The following NADK2 variants were observed in gnomAD, a reference collection of about 807,000 sequenced individuals.
The protein encoded by NADK2 is NAD kinase domain-containing protein 1, mitochondrial.
NADK2 carries 35 observed loss-of-function variants against 62.1 expected under a neutral mutation model. That is an observed-to-expected ratio of 0.56 (90% CI 0.43 to 0.75). The LOEUF (loss-of-function observed/expected upper bound fraction) is 0.75. Ranked by LOEUF, NADK2 falls within the 30% of genes least tolerant of loss-of-function variation. The pLI is 0.00. For synonymous variants in NADK2, 205 were observed against 207.9 expected, an observed-to-expected ratio of 0.99 and a Z score of 0.12; for missense variants, 439 against 561.3, an observed-to-expected ratio of 0.78 and a Z score of 2.20.
chr5:36,217,896 G>C lies in NADK2; in HGVS notation c.645-12C>G, dbSNP rs764037641. The C allele has an allele frequency of 1.2e-6, 2 of 1,610,034 alleles. No individual in the cohort carries two copies. Among genetic ancestry groups the C allele is most frequent in the East Asian group, 4.5e-5 (2 of 44,816 alleles). ...GCCTCCACAACCACCTTAGAAAAAT[G>C]AAGAAAAGGCAAATTATGTTAAAAT... On this transcript the variant is annotated splice_polypyrimidine_tract_variant and intron_variant, in intron 5 of 11. Transcript: ENST00000381937.
chr5:36,201,375 A>G (rs916643534), intron 8 of NADK2, among the ~76,000 whole-genome samples: 3 of 152,028 alleles, frequency 2.0e-5, no homozygotes, highest in Non-Finnish European at 4.4e-5. Context: ...GCAGTTGGAG[A>G]GCAATTATGC....
At chr5:36,219,101 T>G (rs1233515671) in intron 5 of NADK2, among the ~76,000 whole-genome samples, 1 of 152,244 alleles carries the variant, frequency 6.6e-6, no homozygotes, top group Non-Finnish European at 1.5e-5. Context: ...CCAACTGGAC[T>G]AGGAGAAGGT....
At position 36,241,593 on chromosome 5, in the gene NADK2, G is replaced by C; in HGVS notation, c.206C>G (p.Ser69Cys). ...GSRADGGFRP[S>C]RVVVVAKTTR... is the part of the protein sequence containing the mutation. ...GGTTTTGGCCACCACCACCACCCGG[G>C]AGGGGCGGAAGCCGCCGTCCGCGCG... Residue 69 changes from serine (S) to cysteine (C), a missense_variant, in exon 1 of 12, where the codon TCC becomes TGC. Physicochemically the swap from Ser to Cys is moderately radical, Grantham distance 112 (BLOSUM62 -1). Coordinates refer to ENST00000381937, the MANE Select transcript of NADK2 (RefSeq NM_001085411.3). This position sits in a 1 kb window ranked among gnomAD's most constrained non-coding sequence, Gnocchi z 4.9. The C allele has an allele frequency of 1.3e-6, 2 of 1,522,598 alleles. No individual in the cohort carries two copies. The highest frequency in any genetic ancestry group is 1.7e-6 in the Non-Finnish European group (2 of 1,145,056). 94.3% of individuals were successfully genotyped at this position (1,522,598 alleles called of 1,614,324 possible). A position where few individuals can be genotyped will look rare whatever the true frequency, so the allele number is the denominator to read the frequency against.
intron 1 of NADK2, among the ~76,000 whole-genome samples, chr5:36,232,986 T>G (rs1747760171): frequency 6.6e-6 from 1 of 152,184 alleles, no homozygotes. Context: ...TGAGTCCAAT[T>G]TATCAGTTAA....
Position 36,200,299 on chromosome 5 carries a change from G to A in NADK2, c.1013-19C>T, listed in dbSNP as rs757908484. On this transcript the variant is annotated intron_variant, in intron 9 of 11. Transcript: ENST00000381937. ...CGTTTTGCTGTTGAAAAAGGAAAGG[G>A]GGAAAATGTATGTTATAAATATATA... The A allele has an allele frequency of 6.4e-7, 1 of 1,558,776 alleles. No homozygotes were observed. Among genetic ancestry groups the A allele is most frequent in the Non-Finnish European group, 8.7e-7 (1 of 1,147,338 alleles).
chr5:36,195,906 C>T (rs1341514175), intron 11 of NADK2, among the ~76,000 whole-genome samples: 1 of 152,204 alleles, frequency 6.6e-6, no homozygotes, highest in African/African-American at 2.4e-5. Flanking sequence ...ATAATATGCA[C>T]AGTGGTGCCT....
chr5:36,225,762 C>G, intron 3 of NADK2, 139 bp from the exon 4 acceptor site: 1 of 621,040 alleles, frequency 1.6e-6, no homozygotes. Flanking sequence ...TCCCTTTCTA[C>G]CTATTATACC....
rs10461962 is a variant in NADK2, at chr5:36,197,907, T to C, written c.1067-243A>G. Among the ~76,000 whole-genome samples the C allele has an allele frequency of 0.012, 1,840 of 151,838 alleles. 153 individuals are homozygous for C. The East Asian group carries it at 0.21, about 18-fold the overall frequency. Reference sequence around the variant, plus strand: ...TCACCCACAATACAGTAGGAATAGGTACAACTGGGGAAAAAGAAAAAAATA... The same window carrying C: ...TCACCCACAATACAGTAGGAATAGGCACAACTGGGGAAAAAGAAAAAAATA... On this transcript the variant is annotated intron_variant, in intron 10 of 11. Transcript: ENST00000381937.
intron 8 of NADK2, 146 bp from the exon 9 acceptor site, chr5:36,201,307 T>C (rs1166764286): frequency 3.0e-6 from 2 of 669,434 alleles, no homozygotes; most frequent in Non-Finnish European, 5.1e-6. Context: ...GTAAATAATG[T>C]GCTAGTATGG....
In NADK2 at chr5:36,194,544, C is replaced by G. The variant is rs1321203384; in HGVS notation, c.*600G>C. The G allele has an allele frequency of 6.6e-6, 1 of 152,162 alleles. No individual in the cohort carries two copies. The highest frequency in any genetic ancestry group is 2.4e-5 in the African/African-American group (1 of 41,446). The allele number at this position is 152,162 out of a possible 1,614,324, so 9.4% of individuals were successfully genotyped here. A position where few individuals can be genotyped will look rare whatever the true frequency, so the allele number is the denominator to read the frequency against. On this transcript the variant is annotated 3_prime_UTR_variant, in exon 12 of 12. Coordinates refer to ENST00000381937, the MANE Select transcript of NADK2 (RefSeq NM_001085411.3). ...ATGAAACTCAAATGAAAGCATTCAT[C>G]TATAATTTCAAAAATTATTATTTGA...
intron 6 of NADK2, 192 bp from the exon 7 acceptor site, chr5:36,212,114 AC>A (rs1746871631): frequency 2.2e-6 from 1 of 448,782 alleles, no homozygotes. Flanking sequence ...ACCTAAACTT[AC>A]ACCTGTAATG....
intron 6 of NADK2, chr5:36,212,185 T>G (rs1746874110): frequency 1.1e-5 from 3 of 267,442 alleles, no homozygotes; most frequent in Non-Finnish European, 1.4e-5. Flanking sequence ...TCAAGAGTGA[T>G]GAACTATATT....
At position 36,241,864 on chromosome 5, in the gene NADK2, G is replaced by C; in HGVS notation, c.-66C>G. On this transcript the variant is annotated 5_prime_UTR_variant, in exon 1 of 12. Transcript: ENST00000381937. This position sits in a 1 kb window ranked among gnomAD's most constrained non-coding sequence, Gnocchi z 4.9. ...TTGCCTCAGCTCCCTACCGCCGGGAGTGCGCGCCGTCCGCGCCGCCCGGGC... is the reference window on the plus strand; with the variant it reads ...TTGCCTCAGCTCCCTACCGCCGGGACTGCGCGCCGTCCGCGCCGCCCGGGC... The C allele has an allele frequency of 8.7e-7, 1 of 1,149,926 alleles. No individual in the cohort carries two copies. Among genetic ancestry groups the C allele is most frequent in the African/African-American group, 1.7e-5 (1 of 60,566 alleles). The allele number at this position is 1,149,926 out of a possible 1,614,324, so 71.2% of individuals were successfully genotyped here.
intron 1 of NADK2, among the ~76,000 whole-genome samples, chr5:36,228,771 A>C (rs1579632675): frequency 6.8e-6 from 1 of 148,082 alleles, no homozygotes; most frequent in Middle Eastern, 3.6e-3. Flanking sequence ...AGTGCACACC[A>C]CCACAACCAG....
intron 1 of NADK2, among the ~76,000 whole-genome samples, chr5:36,227,921 T>C (rs1025775685): frequency 2.0e-5 from 3 of 150,730 alleles, no homozygotes; most frequent in South Asian, 2.1e-4. Flanking sequence ...CTCGGCTCAC[T>C]GCAAGCTCCG....
Position 36,195,004 on chromosome 5 carries a change from A to G in NADK2, c.*140T>C. Reference sequence around the variant, plus strand: ...TTTTTTTCTATCAGAATCCAACAGAAGAATAATGCAAATCTCACTTCTGAG... The same window carrying G: ...TTTTTTTCTATCAGAATCCAACAGAGGAATAATGCAAATCTCACTTCTGAG... On this transcript the variant is annotated 3_prime_UTR_variant, in exon 12 of 12. Coordinates refer to ENST00000381937, the MANE Select transcript of NADK2 (RefSeq NM_001085411.3). 1.3e-6 allele frequency: 1 copy of G among 788,128 alleles called. No individual in the cohort carries two copies. The highest frequency in any genetic ancestry group is 1.9e-6 in the Non-Finnish European group (1 of 519,354). 48.8% of individuals were successfully genotyped at this position (788,128 alleles called of 1,614,324 possible). A position where few individuals can be genotyped will look rare whatever the true frequency, so the allele number is the denominator to read the frequency against.
rs1201045030 is a variant in NADK2, at chr5:36,193,321, A to C, written c.*1823T>G. The C allele has an allele frequency of 1.3e-5, 2 of 151,942 alleles. No homozygotes were observed. Among genetic ancestry groups the C allele is most frequent in the Non-Finnish European group, 2.9e-5 (2 of 68,000 alleles). The allele number at this position is 151,942 out of a possible 1,614,324, so 9.4% of individuals were successfully genotyped here. ...GAATCCCCATATCTACTAAAAATAC[A>C]AAAAATTAGCCAGGCATAGTGGTGC... On this transcript the variant is annotated 3_prime_UTR_variant, in exon 12 of 12. Transcript: ENST00000381937.
At chr5:36,195,407 G>GA (rs1746194313) in intron 11 of NADK2, 125 bp from the exon 12 acceptor site, 4 of 973,008 alleles carry the variant, frequency 4.1e-6, no homozygotes, top group Non-Finnish European at 5.9e-6. Context: ...TCTGGTATGA[G>GA]AAAATTAGTC....
At chr5:36,196,169 A>G (rs1746226397) in intron 11 of NADK2, among the ~76,000 whole-genome samples, 1 of 152,142 alleles carries the variant, frequency 6.6e-6, no homozygotes, top group African/African-American at 2.4e-5. Context: ...TGTATACTTC[A>G]AAGGGGAATT....
Sources: gnomAD v4.1 joint callset for allele counts (sites outside exome capture counted in the v4.1 genomes callset) on GRCh38, gnomAD v4.1.1 for gene constraint, Gnocchi (gnomAD v3.1) non-coding constraint, MANE v1.5 for transcripts, NCBI Gene and HGNC (gene_info 2026-07-23, HGNC 2026-07-21) for gene names.